The following CCSER1 variants were observed in gnomAD, a reference collection of about 807,000 sequenced individuals.
CCSER1 encodes the protein coiled-coil serine rich protein 1.
CCSER1 carries 41 observed loss-of-function variants against 82.0 expected under a neutral mutation model. The ratio of observed to expected loss-of-function variants is 0.50; its 90% CI spans 0.39 to 0.65. The LOEUF (loss-of-function observed/expected upper bound fraction) is 0.65, where lower values mean the gene tolerates loss of function less well. CCSER1 is among the 30% of genes least tolerant of loss of function. The probability of loss-of-function intolerance (pLI) is 0.00; values close to 1 mark genes in which losing one functional copy is unlikely to be tolerated. For synonymous variants in CCSER1, 414 were observed against 383.9 expected (o/e 1.08, Z -0.92); for missense variants, 1,119 against 1,064.2 (o/e 1.05, Z -0.72).
intron 9 of CCSER1, 67 bp from the exon 10 acceptor site, chr4:91,085,883 G>T (rs1723344061): frequency 2.3e-6 from 2 of 867,242 alleles, no homozygotes; most frequent in African/African-American, 1.7e-5. Context: ...CAAAATTATT[G>T]CACTAATATG....
chr4:91,406,477 G>T (rs1248467423), intron 10 of CCSER1, among the ~76,000 whole-genome samples: 1 of 151,884 alleles, frequency 6.6e-6, no homozygotes, highest in African/African-American at 2.4e-5. Context: ...ATAATATGTC[G>T]ACTCTTTAAA....
intron 10 of CCSER1, among the ~76,000 whole-genome samples, chr4:91,500,938 G>C (rs1481554829): frequency 6.6e-6 from 1 of 151,814 alleles, no homozygotes; most frequent in African/African-American, 2.4e-5. Flanking sequence ...TTATTTGTTA[G>C]TTTGAAGTAA....
intron 10 of CCSER1, among the ~76,000 whole-genome samples, chr4:91,439,555 A>G (rs1274607220): frequency 6.6e-6 from 1 of 152,178 alleles, no homozygotes; most frequent in Admixed American, 6.5e-5. Context: ...CATCGAGACT[A>G]GGAAGAAACT....
intron 5 of CCSER1, among the ~76,000 whole-genome samples, chr4:90,506,855 T>C (rs1770773720): frequency 6.6e-6 from 1 of 152,200 alleles, no homozygotes; most frequent in Non-Finnish European, 1.5e-5. Flanking sequence ...TGCTACATTC[T>C]ATATTTCACT....
intron 1 of CCSER1, among the ~76,000 whole-genome samples, chr4:90,156,161 G>A (rs1035379309): frequency 5.3e-5 from 8 of 152,294 alleles, no homozygotes; most frequent in Middle Eastern, 6.8e-3. Context: ...AGGTTGTTCA[G>A]TTTCCATGTA....
chr4:90,130,544 A>G (rs1722645028), intron 1 of CCSER1, among the ~76,000 whole-genome samples: 1 of 152,224 alleles, frequency 6.6e-6, no homozygotes, highest in Non-Finnish European at 1.5e-5. Flanking sequence ...GTTTTGATAT[A>G]AATTAAGATA....
intron 3 of CCSER1, among the ~76,000 whole-genome samples, chr4:90,320,760 A>G (rs926511837): frequency 1.2e-4 from 18 of 152,074 alleles, no homozygotes; most frequent in Admixed American, 6.6e-5. Flanking sequence ...GAACTTTGAG[A>G]TGAGTCATTT....
At chr4:91,037,232 T>TCA (rs3043087) in intron 9 of CCSER1, among the ~76,000 whole-genome samples, 17,189 of 146,334 alleles carry the variant, frequency 0.12, 1,116 homozygotes, top group South Asian at 0.26. Context: ...TCTATCTCTG[T>TCA]CACACACACA....
At chr4:90,440,641 G>C (rs1317899467) in intron 4 of CCSER1, among the ~76,000 whole-genome samples, 2 of 152,090 alleles carry the variant, frequency 1.3e-5, no homozygotes, top group African/African-American at 4.8e-5. Context: ...GCAGTGCTGT[G>C]GGTTTTGCAG....
At chr4:90,388,217 A>G (rs963344164) in intron 3 of CCSER1, among the ~76,000 whole-genome samples, 1 of 152,196 alleles carries the variant, frequency 6.6e-6, no homozygotes, top group Admixed American at 6.5e-5. Flanking sequence ...AGGTTTATCA[A>G]TCTCATTATT....
At chr4:91,589,729 A>G (rs1260625502) in intron 10 of CCSER1, among the ~76,000 whole-genome samples, 1 of 151,960 alleles carries the variant, frequency 6.6e-6, no homozygotes. Flanking sequence ...TAGAAATCAC[A>G]TATTTCTGGA....
chr4:90,438,453 G>T (rs980977691), intron 4 of CCSER1, among the ~76,000 whole-genome samples: 21 of 151,870 alleles, frequency 1.4e-4, no homozygotes, highest in Non-Finnish European at 4.4e-5. Flanking sequence ...TACTATAAGA[G>T]AACAGGATTA....
At chr4:91,303,877 A>G (rs1351742750) in intron 10 of CCSER1, among the ~76,000 whole-genome samples, 1 of 152,100 alleles carries the variant, frequency 6.6e-6, no homozygotes, top group East Asian at 1.9e-4. Context: ...TCATGTAAAT[A>G]TAAACAGTTA....
At chr4:90,715,719 C>T (rs1741515138) in intron 6 of CCSER1, among the ~76,000 whole-genome samples, 1 of 151,924 alleles carries the variant, frequency 6.6e-6, no homozygotes, top group Non-Finnish European at 1.5e-5. Flanking sequence ...TATGGTGAGG[C>T]AGTGGGAAAA....
chr4:90,713,704 G>A (rs1237036923), intron 6 of CCSER1, among the ~76,000 whole-genome samples: 1 of 151,736 alleles, frequency 6.6e-6, no homozygotes, highest in East Asian at 1.9e-4. Flanking sequence ...TGCTTGGTTG[G>A]GGAAGTTCTT....
chr4:90,278,345 A>C (rs1268282016), intron 1 of CCSER1, among the ~76,000 whole-genome samples: 1 of 152,148 alleles, frequency 6.6e-6, no homozygotes, highest in Non-Finnish European at 1.5e-5. Context: ...TTAGAGAAAA[A>C]TAAATCATTC....
intron 10 of CCSER1, among the ~76,000 whole-genome samples, chr4:91,483,830 G>A (rs574976823): frequency 2.0e-5 from 3 of 151,988 alleles, no homozygotes; most frequent in South Asian, 4.2e-4. Context: ...CTAACAATGC[G>A]AACTTCATGA....
intron 9 of CCSER1, among the ~76,000 whole-genome samples, chr4:91,007,172 G>A (rs1238649470): frequency 1.3e-5 from 2 of 152,152 alleles, no homozygotes; most frequent in South Asian, 4.1e-4. Context: ...TTTTTACTGT[G>A]CTATTTAATT....
intron 9 of CCSER1, among the ~76,000 whole-genome samples, chr4:91,006,236 G>T (rs1738492263): frequency 6.6e-6 from 1 of 150,954 alleles, no homozygotes; most frequent in African/African-American, 2.4e-5. Flanking sequence ...CACCTTCTTG[G>T]TTAAATTTAT....
Sources: allele counts gnomAD v4.1 joint callset (sites outside exome capture counted in the v4.1 genomes callset), GRCh38; gene constraint gnomAD v4.1.1; transcripts MANE v1.5; gene names NCBI Gene and HGNC (gene_info 2026-07-23, HGNC 2026-07-21).